IFNGR1: variants seen among roughly 807,000 people sequenced by gnomAD.
The protein encoded by IFNGR1 is interferon gamma receptor 1.
IFNGR1 carries 23 observed loss-of-function variants against 35.4 expected under a neutral mutation model. The observed-to-expected ratio is 0.65, with a 90% confidence interval of 0.47 to 0.92. The LOEUF is 0.92. Ranked by LOEUF, IFNGR1 falls within the 40% of genes least tolerant of loss-of-function variation. The pLI is 0.00. For missense variants in IFNGR1, 533 were observed against 583.4 expected (o/e 0.91, Z 0.89); for synonymous variants, 199 against 209.5 (o/e 0.95, Z 0.43).
intron 1 of IFNGR1, chr6:137,215,470 G>A: frequency 1.4e-6 from 1 of 720,200 alleles, no homozygotes; most frequent in Non-Finnish European, 2.1e-6. Flanking sequence ...CTATGCATTA[G>A]GATAATCTAA....
At chr6:137,216,900 A>T (rs1427179325) in intron 1 of IFNGR1, among the ~76,000 whole-genome samples, 2 of 152,198 alleles carry the variant, frequency 1.3e-5, no homozygotes, top group Non-Finnish European at 2.9e-5. Flanking sequence ...GACAAATTCA[A>T]AAGTTTCTGC....
At chr6:137,215,377 A>C in intron 1 of IFNGR1, 1 of 1,513,762 alleles carries the variant, frequency 6.6e-7, no homozygotes, top group Non-Finnish European at 8.9e-7. Context: ...TATTATGGCC[A>C]CTGCAAAAGT....
At chr6:137,206,820 G>T in intron 2 of IFNGR1, 143 bp downstream of exon 2, 1 of 643,296 alleles carries the variant, frequency 1.6e-6, no homozygotes, top group Non-Finnish European at 2.7e-6. Context: ...CAAAGAATTT[G>T]CATCTTTAGT....
In IFNGR1 at chr6:137,219,369, G is replaced by A. The variant is rs544769065; in HGVS notation, c.-42C>T. 5 of 1,574,468 alleles carry A rather than the reference G, an allele frequency of 3.2e-6. No homozygotes were observed. The South Asian group carries it at 3.5e-5, about 11-fold the overall frequency. On this transcript the variant is annotated 5_prime_UTR_variant, in exon 1 of 7. Transcript: ENST00000367739. ...GCTGGCTCCAACCCCGAGCGCCTGC[G>A]GGACCAGCCCAGCACTGCCCTCCAG...
intron 1 of IFNGR1, chr6:137,218,754 C>A (rs1272511336): frequency 5.7e-6 from 2 of 350,236 alleles, no homozygotes; most frequent in Non-Finnish European, 1.1e-5. Context: ...GCAGTAGAAA[C>A]CCAGACAAAC....
chr6:137,204,273 AG>A (rs1779371629), intron 4 of IFNGR1, 58 bp downstream of exon 4: 2 of 1,394,432 alleles, frequency 1.4e-6, no homozygotes, highest in Admixed American at 3.3e-5. Flanking sequence ...CACTACAGAA[AG>A]GAACAACTTT....
chr6:137,211,043 A>C (rs1779562914), intron 1 of IFNGR1, among the ~76,000 whole-genome samples: 2 of 151,918 alleles, frequency 1.3e-5, no homozygotes, highest in Admixed American at 6.6e-5. Flanking sequence ...GTGGGAAGTG[A>C]TTTTGTTGCC....
At chr6:137,207,852 GA>G (rs1359964717) in intron 1 of IFNGR1, among the ~76,000 whole-genome samples, 5 of 152,192 alleles carry the variant, frequency 3.3e-5, no homozygotes, top group Non-Finnish European at 1.5e-5. Flanking sequence ...AAAGATACAA[GA>G]AAATGTGGAA....
intron 5 of IFNGR1, among the ~76,000 whole-genome samples, chr6:137,202,578 AT>A (rs1779302996): frequency 6.7e-6 from 1 of 149,828 alleles, no homozygotes; most frequent in African/African-American, 2.5e-5. Context: ...TTCTAAAAAA[AT>A]CCTAAGGAAA....
chr6:137,197,948 T>C lies in IFNGR1; in HGVS notation c.*83A>G. On this transcript the variant is annotated 3_prime_UTR_variant, in exon 7 of 7. Transcript: ENST00000367739. The stretch of plus-strand genomic sequence containing the variant: ...TTGATACCAACTAAGATACAATTTC[T>C]GAGATCATAATCTTTTCATGAAATT... 6.3e-7 allele frequency: 1 copy of C among 1,582,622 alleles called. No individual in the cohort carries two copies. Among genetic ancestry groups the C allele is most frequent in the Non-Finnish European group, 8.7e-7 (1 of 1,154,032 alleles).
At position 137,219,227 on chromosome 6, in the gene IFNGR1, C is replaced by A. The variant is rs1352206956; in HGVS notation, c.85+16G>T. On this transcript the variant is annotated intron_variant, in intron 1 of 6. Coordinates refer to ENST00000367739, the MANE Select transcript of IFNGR1 (RefSeq NM_000416.3). ...TCGTCCCGACCCGGCCGCAGCCCTG[C>A]CGCGAACGACGGTACCTGAGGACGG... is the stretch of plus-strand genomic sequence containing the variant. The A allele has an allele frequency of 3.1e-6, 5 of 1,601,418 alleles. No individual in the cohort carries two copies. Among genetic ancestry groups the A allele is most frequent in the Non-Finnish European group, 4.3e-6 (5 of 1,174,966 alleles).
intron 5 of IFNGR1, among the ~76,000 whole-genome samples, chr6:137,201,683 A>AAAC (rs1272987875): frequency 6.9e-6 from 1 of 143,990 alleles, no homozygotes; most frequent in South Asian, 2.3e-4. Context: ...AAACAAAACA[A>AAAC]AACAACAAAA....
intron 1 of IFNGR1, chr6:137,219,040 G>A: frequency 3.2e-6 from 2 of 623,816 alleles, no homozygotes; most frequent in East Asian, 2.8e-5. Flanking sequence ...GGAAGAGGCA[G>A]GAGAAAGGCA....
intron 1 of IFNGR1, among the ~76,000 whole-genome samples, chr6:137,218,211 T>A (rs1779753219): frequency 6.6e-6 from 1 of 152,140 alleles, no homozygotes; most frequent in South Asian, 2.1e-4. Flanking sequence ...TAACGCCTAC[T>A]CCAGAAGATT....
chr6:137,199,499 A>AT (rs1779200301), intron 6 of IFNGR1, among the ~76,000 whole-genome samples: 1 of 21,936 alleles, frequency 4.6e-5, no homozygotes, highest in African/African-American at 2.0e-4. Flanking sequence ...ATATTATATA[A>AT]AATATATAAT....
intron 1 of IFNGR1, chr6:137,215,262 A>T: frequency 6.5e-7 from 1 of 1,547,988 alleles, no homozygotes; most frequent in Non-Finnish European, 8.7e-7. Flanking sequence ...TAAGGGGTAA[A>T]TTACCTCCAT....
At chr6:137,209,074 T>C (rs1779515107) in intron 1 of IFNGR1, among the ~76,000 whole-genome samples, 1 of 152,234 alleles carries the variant, frequency 6.6e-6, no homozygotes, top group South Asian at 2.1e-4. Flanking sequence ...ACTGCCCCAC[T>C]GGATTATGGA....
chr6:137,199,697 C>T (rs377486849), intron 6 of IFNGR1, among the ~76,000 whole-genome samples: 75 of 145,050 alleles, frequency 5.2e-4, no homozygotes, highest in Non-Finnish European at 8.4e-4. Context: ...TCCACATGTA[C>T]GCACATTATG....
At position 137,198,112 on chromosome 6, in the gene IFNGR1, T is replaced by G. The variant is rs779937662; in HGVS notation, c.1389A>C (p.Leu463=). 1.9e-5 allele frequency: 31 copies of G among 1,614,060 alleles called. No homozygotes were observed. Among genetic ancestry groups the G allele is most frequent in the Middle Eastern group, 1.6e-4 (1 of 6,084 alleles). Residue 463 remains leucine (L), a synonymous_variant, in exon 7 of 7, where the codon CTA becomes CTC. Transcript: ENST00000367739. ...CGCTATCATCCACAAGTAGATCCAC[T>G]AGCACATGTGGTTTATCATAACCAA... ...TSFGYDKPHV[L]VDLLVDDSGK... is the part of the protein sequence containing the mutation.
Sources: allele counts gnomAD v4.1 joint callset (sites outside exome capture counted in the v4.1 genomes callset), GRCh38; gene constraint gnomAD v4.1.1; transcripts MANE v1.5; gene names NCBI Gene and HGNC (gene_info 2026-07-23, HGNC 2026-07-21).